Variants in PRMT3 observed in about 807,000 individuals in gnomAD.
PRMT3 encodes the protein protein arginine N-methyltransferase 3.
A neutral mutation model predicts 71.9 loss-of-function variants in PRMT3; 62 were observed. The ratio of observed to expected loss-of-function variants is 0.86; its 90% CI spans 0.70 to 1.07. PRMT3 has a LOEUF of 1.07. Among genes scored for constraint, PRMT3 ranks in the 50% least tolerant of loss-of-function variants. The pLI, the probability that PRMT3 is intolerant of heterozygous loss-of-function variation, is 0.00. For synonymous variants in PRMT3, 213 were observed against 220.4 expected, an observed-to-expected ratio of 0.97 and a Z score of 0.30; for missense variants, 663 against 643.0, an observed-to-expected ratio of 1.03 and a Z score of -0.34.
At chr11:20,487,527 G>A (rs745349702) in intron 13 of PRMT3, among the ~76,000 whole-genome samples, 14 of 152,124 alleles carry the variant, frequency 9.2e-5, no homozygotes, top group Admixed American at 2.0e-4. Context: ...AGGATAGGTC[G>A]TTAGAGGCAT....
In PRMT3 at chr11:20,402,907, T is replaced by G; in HGVS notation, c.706-12T>G. ...GTCCTATAAACACAGCGTTTTCCTC[T>G]CTCCACCCTAGGACAAAATACGAAC... On this transcript the variant is annotated splice_polypyrimidine_tract_variant and intron_variant, in intron 7 of 15. Coordinates refer to ENST00000331079, the MANE Select transcript of PRMT3 (RefSeq NM_005788.4). The G allele has an allele frequency of 1.2e-6, 2 of 1,600,846 alleles. No individual in the cohort carries two copies. Among genetic ancestry groups the G allele is most frequent in the Non-Finnish European group, 1.7e-6 (2 of 1,168,328 alleles).
intron 3 of PRMT3, 150 bp downstream of exon 3, chr11:20,389,976 A>AC: frequency 1.8e-6 from 1 of 557,162 alleles, no homozygotes; most frequent in South Asian, 2.2e-5. Flanking sequence ...ACATGCTGAA[A>AC]CCCCACCTGT....
At chr11:20,452,414 G>A (rs1850170894) in intron 11 of PRMT3, among the ~76,000 whole-genome samples, 1 of 152,088 alleles carries the variant, frequency 6.6e-6, no homozygotes. Context: ...CAAGGTAATG[G>A]TATTCTCAAG....
At chr11:20,431,061 A>G (rs985695034) in intron 10 of PRMT3, among the ~76,000 whole-genome samples, 11 of 152,170 alleles carry the variant, frequency 7.2e-5, no homozygotes, top group African/African-American at 2.7e-4. Flanking sequence ...TGGTGTTGCT[A>G]TATTTCCTCT....
At chr11:20,395,663 A>T in intron 5 of PRMT3, 140 bp from the exon 6 acceptor site, 1 of 814,676 alleles carries the variant, frequency 1.2e-6, no homozygotes, top group Non-Finnish European at 1.9e-6. Context: ...AAGATGATTA[A>T]TATTCAATTA....
chr11:20,507,097 A>G (rs1343048948), intron 15 of PRMT3, among the ~76,000 whole-genome samples: 15 of 152,086 alleles, frequency 9.9e-5, no homozygotes, highest in Non-Finnish European at 4.4e-5. Flanking sequence ...GGTTCTGTGT[A>G]TGTGTTTTCC....
At chr11:20,482,507 G>C (rs1425193940) in intron 13 of PRMT3, among the ~76,000 whole-genome samples, 1 of 152,006 alleles carries the variant, frequency 6.6e-6, no homozygotes, top group Non-Finnish European at 1.5e-5. Flanking sequence ...CAATAAGAGT[G>C]GACTCTTGAT....
At position 20,426,865 on chromosome 11, in the gene PRMT3, G is replaced by A; in HGVS notation, c.993G>A (p.Met331Ile). The change falls in exon 10 of 16, where the codon ATG becomes ATA. Residue 331 changes from methionine (M) to isoleucine (I), a missense_variant and splice_region_variant. Met to Ile is a conservative substitution (Grantham distance 10). Transcript: ENST00000331079. ...EKVDVIISEW[M>I]GYFLLFESML... is the part of the protein sequence containing the mutation. ...TAGATGTTATCATATCTGAGTGGAT[G>A]GTGAGTGTTTATAGAAAAAACTACT... The A allele has an allele frequency of 1.3e-6, 2 of 1,525,620 alleles. No individual in the cohort carries two copies. Among genetic ancestry groups the A allele is most frequent in the South Asian group, 1.3e-5 (1 of 74,882 alleles). The allele number at this position is 1,525,620 out of a possible 1,614,324, so 94.5% of individuals were successfully genotyped here.
At chr11:20,437,769 T>C (rs148237790) in intron 10 of PRMT3, among the ~76,000 whole-genome samples, 7,088 of 152,068 alleles carry the variant, frequency 0.047, 258 homozygotes, top group East Asian at 0.19. Flanking sequence ...TTTTGCATTT[T>C]TAGTAGAGAC....
intron 15 of PRMT3, among the ~76,000 whole-genome samples, chr11:20,502,225 A>G (rs913674161): frequency 1.3e-5 from 2 of 152,176 alleles, no homozygotes; most frequent in Non-Finnish European, 2.9e-5. Context: ...GTCATTTTAT[A>G]TCTATTTGAC....
At chr11:20,399,071 C>T (rs1243696998) in intron 7 of PRMT3, among the ~76,000 whole-genome samples, 5 of 152,130 alleles carry the variant, frequency 3.3e-5, no homozygotes, top group Non-Finnish European at 7.4e-5. Context: ...AGAATATCTA[C>T]ATAGAGTAAA....
At chr11:20,403,032 C>A in intron 8 of PRMT3, 48 bp downstream of exon 8, 1 of 1,366,444 alleles carries the variant, frequency 7.3e-7, no homozygotes, top group Admixed American at 1.7e-5. Flanking sequence ...TGTTCTTGGG[C>A]AGTAGAAATC....
rs754882975 is a variant in PRMT3, at chr11:20,508,366, G to A, written c.1549G>A (p.Val517Met). Reference sequence around the variant, plus strand: ...TAAGAAAGATCCACGTTCTCTCACCGTGACCCTCACGTTGAATAATTCAAC... The same window carrying A: ...TAAGAAAGATCCACGTTCTCTCACCATGACCCTCACGTTGAATAATTCAAC... Reference protein sequence around the residue: ...KNKKDPRSLTVTLTLNNSTQT... With the variant: ...KNKKDPRSLTMTLTLNNSTQT... The change falls in exon 16 of 16, where the codon GTG becomes ATG. Residue 517 changes from valine (V) to methionine (M), a missense_variant. Physicochemically the swap from Val to Met is conservative, Grantham distance 21 (BLOSUM62 1). Coordinates refer to ENST00000331079, the MANE Select transcript of PRMT3 (RefSeq NM_005788.4). 66 of 1,611,558 alleles carry A rather than the reference G, an allele frequency of 4.1e-5. No individual in the cohort carries two copies. Among genetic ancestry groups the A allele is most frequent in the Non-Finnish European group, 5.3e-5 (63 of 1,177,818 alleles).
At chr11:20,443,628 G>T (rs909821190) in intron 10 of PRMT3, among the ~76,000 whole-genome samples, 1 of 152,142 alleles carries the variant, frequency 6.6e-6, no homozygotes, top group African/African-American at 2.4e-5. Flanking sequence ...CACCATGGGG[G>T]ATTGGGAATA....
chr11:20,405,503 GT>G (rs1318936358), intron 8 of PRMT3: 12 of 152,070 alleles, frequency 7.9e-5, no homozygotes, highest in African/African-American at 2.9e-4. Flanking sequence ...AGGTTAACCT[GT>G]GTTTGAATGC....
At chr11:20,470,466 A>T (rs567163698) in intron 13 of PRMT3, among the ~76,000 whole-genome samples, 1 of 152,038 alleles carries the variant, frequency 6.6e-6, no homozygotes, top group African/African-American at 2.4e-5. Flanking sequence ...GCTCTCACTT[A>T]TAAGTGAGAA....
chr11:20,507,765 G>T (rs1188868100), intron 15 of PRMT3, among the ~76,000 whole-genome samples: 2 of 143,742 alleles, frequency 1.4e-5, no homozygotes, highest in East Asian at 4.0e-4. Context: ...GGGCAACAGA[G>T]AGAGACTGTC....
chr11:20,487,260 A>G (rs1037327959), intron 13 of PRMT3, among the ~76,000 whole-genome samples: 30 of 152,176 alleles, frequency 2.0e-4, no homozygotes, highest in Non-Finnish European at 2.1e-4. Context: ...ATATTTACAT[A>G]CCAGTAGTTC....
In PRMT3 at chr11:20,498,787, A is replaced by G. The variant is rs1278352940; in HGVS notation, c.1486+4533A>G. Among the ~76,000 whole-genome samples, 3 of 152,188 alleles carry G rather than the reference A, an allele frequency of 2.0e-5. No homozygotes were observed. The East Asian group carries it at 5.8e-4, about 29-fold the overall frequency. Reference sequence around the variant, plus strand: ...TGTAGGAAAGATGATTAATTGAATGACATTTTGAAGTATTGAAACTGGCAA... The same window carrying G: ...TGTAGGAAAGATGATTAATTGAATGGCATTTTGAAGTATTGAAACTGGCAA... On this transcript the variant is annotated intron_variant, in intron 15 of 15. Transcript: ENST00000331079.
Sources: gnomAD v4.1 joint callset for allele counts (sites outside exome capture counted in the v4.1 genomes callset) on GRCh38, gnomAD v4.1.1 for gene constraint, MANE v1.5 for transcripts, NCBI Gene and HGNC (gene_info 2026-07-23, HGNC 2026-07-21) for gene names.